The following MEIG1 variants were observed in gnomAD, a reference collection of about 807,000 sequenced individuals.
MEIG1 encodes meiosis/spermiogenesis associated 1, also known as meiosis expressed gene 1 protein homolog.
In MEIG1, 12 loss-of-function variants were observed where a neutral mutation model predicts 11.3. That is an observed-to-expected ratio of 1.07 (90% CI 0.68 to 1.73). The LOEUF (loss-of-function observed/expected upper bound fraction) is 1.73, where lower values mean the gene tolerates loss of function less well. MEIG1 is among the 40% of genes most tolerant of loss of function. MEIG1 has a pLI of 0.00. For missense variants in MEIG1, 119 were observed against 104.9 expected (o/e 1.13, Z -0.59); for synonymous variants, 41 against 33.2 (o/e 1.24, Z -0.81).
At chr10:14,964,818 G>A (rs1288330056) in intron 1 of MEIG1, among the ~76,000 whole-genome samples, 2 of 147,404 alleles carry the variant, frequency 1.4e-5, no homozygotes, top group African/African-American at 2.5e-5. Context: ...AAGGAGTTTC[G>A]CTCATGTTGC....
chr10:14,974,139 T>G (rs1843185796), downstream of MEIG1, among the ~76,000 whole-genome samples: 1 of 152,164 alleles, frequency 6.6e-6, no homozygotes, highest in Non-Finnish European at 1.5e-5. Flanking sequence ...CTGTCTGGGT[T>G]TAGCCTTTGC....
chr10:14,984,182 G>C (rs558804627), intron 1 of MEIG1, among the ~76,000 whole-genome samples: 2 of 151,860 alleles, frequency 1.3e-5, no homozygotes, highest in African/African-American at 4.8e-5. Flanking sequence ...GGGGAGAGGG[G>C]GGTGCTATTA....
In MEIG1 at chr10:14,972,817, C is replaced by T; in HGVS notation, c.*176C>T. The T allele has an allele frequency of 1.8e-6, 1 of 566,772 alleles. No individual in the cohort carries two copies. The highest frequency in any genetic ancestry group is 3.0e-6 in the Non-Finnish European group (1 of 332,846). 35.1% of individuals were successfully genotyped at this position (566,772 alleles called of 1,614,324 possible). On this transcript the variant is annotated 3_prime_UTR_variant, in exon 3 of 3. Transcript: ENST00000407572. ...TAATCACCTTGTCCTGTTCTAAGAA[C>T]TGGCTGCAGATGCATTAAAGTTGTA... is the stretch of plus-strand genomic sequence containing the variant.
intron 1 of MEIG1, among the ~76,000 whole-genome samples, chr10:14,977,989 C>T (rs181907493): frequency 1.3e-5 from 2 of 152,012 alleles, no homozygotes; most frequent in Admixed American, 6.5e-5. Flanking sequence ...CTCTTAATGT[C>T]ACAGGGATTG....
At chr10:14,985,099 C>T (rs568629766) in intron 1 of MEIG1, among the ~76,000 whole-genome samples, 1 of 148,984 alleles carries the variant, frequency 6.7e-6, no homozygotes, top group Admixed American at 6.6e-5. Context: ...GTTATTTCCT[C>T]GGGGGATGTT....
intron 1 of MEIG1, among the ~76,000 whole-genome samples, chr10:14,964,724 T>C (rs1843059628): frequency 6.9e-6 from 1 of 145,724 alleles, no homozygotes; most frequent in African/African-American, 2.5e-5. Flanking sequence ...TTTCAAGCGA[T>C]TCTCAAGCCT....
intron 2 of MEIG1, among the ~76,000 whole-genome samples, chr10:14,967,965 C>A (rs1237447829): frequency 6.6e-6 from 1 of 152,120 alleles, no homozygotes; most frequent in African/African-American, 2.4e-5. Flanking sequence ...CAAGTTCAAA[C>A]TTGCATTGGT....
chr10:14,954,500 A>G (rs985077927), upstream of MEIG1: 10 of 248,702 alleles, frequency 4.0e-5, no homozygotes, highest in Non-Finnish European at 5.7e-5. Flanking sequence ...TCTGTTCCCA[A>G]TTTCTAACCT....
intron 1 of MEIG1, among the ~76,000 whole-genome samples, chr10:14,981,391 G>A (rs927326606): frequency 3.8e-4 from 58 of 152,102 alleles, no homozygotes; most frequent in Non-Finnish European, 1.5e-5. Context: ...TCCCAGCAAG[G>A]TCAAGGGACG....
At chr10:14,984,215 C>T (rs1370546537) in intron 1 of MEIG1, among the ~76,000 whole-genome samples, 1 of 149,624 alleles carries the variant, frequency 6.7e-6, no homozygotes, top group Admixed American at 6.6e-5. Flanking sequence ...TGGGGGGAGC[C>T]CACCCCCCTG....
At chr10:14,976,901 A>T (rs6602788), downstream of MEIG1, among the ~76,000 whole-genome samples, 16 of 151,652 alleles carry the variant, frequency 1.1e-4, 1 homozygote, top group Non-Finnish European at 2.1e-4. Context: ...GCGTGTACAC[A>T]CTTTGATATT....
chr10:14,955,419 T>C (rs1038397323), upstream of MEIG1, among the ~76,000 whole-genome samples: 1 of 152,056 alleles, frequency 6.6e-6, no homozygotes, highest in African/African-American at 2.4e-5. Flanking sequence ...CAGAATGCCA[T>C]CCCAGCCCAC....
chr10:14,978,843 C>T (rs1843236907), intron 1 of MEIG1, among the ~76,000 whole-genome samples: 1 of 151,660 alleles, frequency 6.6e-6, no homozygotes, highest in African/African-American at 2.4e-5. Context: ...ATCACAGTTT[C>T]GTGGTATGTT....
downstream of MEIG1, among the ~76,000 whole-genome samples, chr10:14,977,644 A>G (rs1001913473): frequency 2.6e-5 from 4 of 151,900 alleles, no homozygotes; most frequent in African/African-American, 9.7e-5. Flanking sequence ...ATAACTCCTA[A>G]TATCACAGTG....
At chr10:14,977,936 G>T (rs1054052757) in intron 1 of MEIG1, among the ~76,000 whole-genome samples, 29 of 151,906 alleles carry the variant, frequency 1.9e-4, no homozygotes, top group African/African-American at 6.8e-4. Context: ...CACAGAGAGT[G>T]TGCCCCCAGT....
intron 1 of MEIG1, among the ~76,000 whole-genome samples, chr10:14,980,150 C>T (rs900459164): frequency 1.3e-5 from 2 of 151,974 alleles, no homozygotes; most frequent in East Asian, 1.9e-4. Context: ...GGGGATGTTA[C>T]GCCTATTGTC....
Position 14,980,485 on chromosome 10 carries a change from T to C in MEIG1, n.67-6311T>C, listed in dbSNP as rs113496634. Among the ~76,000 whole-genome samples the C allele has an allele frequency of 5.7e-3, 868 of 152,272 alleles. 6 individuals are homozygous for C. Among genetic ancestry groups the C allele is most frequent in the African/African-American group, 0.02 (815 of 41,552 alleles). On this transcript the variant is annotated intron_variant and non_coding_transcript_variant, in intron 1 of 2. Coordinates refer to the MEIG1 transcript ENST00000467536. ...GTTACCCCTAATATCGCAGGGGCTG[T>C]ACACCTTGTAATCTTATTCAGAATA...
chr10:14,979,281 AC>A (rs1843241112), intron 1 of MEIG1, among the ~76,000 whole-genome samples: 1 of 149,990 alleles, frequency 6.7e-6, no homozygotes, highest in Non-Finnish European at 1.5e-5. Flanking sequence ...ACACAGGCTA[AC>A]CCCCTGTGAC....
intron 1 of MEIG1, among the ~76,000 whole-genome samples, chr10:14,961,548 G>A (rs752278301): frequency 1.1e-4 from 16 of 151,610 alleles, no homozygotes; most frequent in East Asian, 1.9e-4. Context: ...TTGGCTCACC[G>A]CAACCTCCGT....
Sources: allele counts gnomAD v4.1 joint callset (sites outside exome capture counted in the v4.1 genomes callset), GRCh38; gene constraint gnomAD v4.1.1; transcripts MANE v1.5; gene names NCBI Gene and HGNC (gene_info 2026-07-23, HGNC 2026-07-21).